ASIC2: variants seen among roughly 807,000 people sequenced by gnomAD.
The protein encoded by ASIC2 is acid sensing ion channel subunit 2.
In ASIC2, 25 loss-of-function variants were observed where a neutral mutation model predicts 57.3. The observed-to-expected ratio is 0.44, with a 90% CI of 0.32 to 0.61. ASIC2 has a LOEUF of 0.61. Ranked by LOEUF, ASIC2 falls within the 20% of genes least tolerant of loss-of-function variation. The pLI is 0.06. For synonymous variants in ASIC2, 319 were observed against 307.5 expected (o/e 1.04, Z -0.39); for missense variants, 641 against 738.1 (o/e 0.87, Z 1.52).
chr17:33,916,812 G>T (rs554153357), intron 1 of ASIC2, among the ~76,000 whole-genome samples: 1 of 152,294 alleles, frequency 6.6e-6, no homozygotes, highest in East Asian at 1.9e-4. Flanking sequence ...CAAACCACAG[G>T]TTTACAACCC....
intron 1 of ASIC2, among the ~76,000 whole-genome samples, chr17:33,494,661 G>A (rs556693372): frequency 6.6e-6 from 1 of 152,288 alleles, no homozygotes; most frequent in East Asian, 1.9e-4. Flanking sequence ...GGAGCAATGG[G>A]GCTGGGGCTT....
intron 1 of ASIC2, among the ~76,000 whole-genome samples, chr17:33,361,848 A>G (rs1477546860): frequency 6.6e-6 from 1 of 152,190 alleles, no homozygotes; most frequent in Non-Finnish European, 1.5e-5. Flanking sequence ...CCTTGTAACT[A>G]CTGCCACTTC....
In ASIC2 at chr17:33,728,151, C is replaced by A. The variant is rs75944276; in HGVS notation, c.555+427827G>T. 8.2e-3 allele frequency among the ~76,000 whole-genome samples: 1,255 copies of A among 152,262 alleles called. 21 individuals carry two copies. The highest frequency in any genetic ancestry group is 0.028 in the African/African-American group (1,150 of 41,534). On this transcript the variant is annotated intron_variant, in intron 1 of 9. Transcript: ENST00000359872. The stretch of plus-strand genomic sequence containing the variant: ...CCTGCTGGCCCACATCTGCGACTTT[C>A]TTCTGAAGACTCCAAGAGGGCTACT...
At chr17:33,611,085 G>C (rs12950265) in intron 1 of ASIC2, among the ~76,000 whole-genome samples, 10,405 of 152,208 alleles carry the variant, frequency 0.068, 1,069 homozygotes, top group African/African-American at 0.22. Context: ...CAACTAATCA[G>C]GGAGGTGAGA....
intron 1 of ASIC2, among the ~76,000 whole-genome samples, chr17:34,147,479 C>T (rs535533590): frequency 1.3e-5 from 2 of 152,326 alleles, no homozygotes; most frequent in East Asian, 3.9e-4. Context: ...TTGGGGAATG[C>T]TGTCCTCAAA....
intron 3 of ASIC2, among the ~76,000 whole-genome samples, chr17:33,044,716 G>A (rs988444781): frequency 6.6e-6 from 1 of 152,134 alleles, no homozygotes; most frequent in African/African-American, 2.4e-5. Flanking sequence ...AGGAATTGAG[G>A]CTATGAAGAT....
intron 1 of ASIC2, among the ~76,000 whole-genome samples, chr17:34,033,140 A>C (rs983505058): frequency 1.3e-5 from 2 of 152,218 alleles, no homozygotes; most frequent in African/African-American, 4.8e-5. Flanking sequence ...CAAATGTAAA[A>C]GAACAGAAAT....
chr17:34,092,623 A>G (rs1910373973), intron 1 of ASIC2, among the ~76,000 whole-genome samples: 1 of 152,234 alleles, frequency 6.6e-6, no homozygotes, highest in African/African-American at 2.4e-5. Flanking sequence ...AAGGGAGGCT[A>G]GAAAGTAGAC....
chr17:33,899,764 T>C (rs1231933404), intron 1 of ASIC2, among the ~76,000 whole-genome samples: 1 of 152,244 alleles, frequency 6.6e-6, no homozygotes, highest in Non-Finnish European at 1.5e-5. Flanking sequence ...GCTAGATAGA[T>C]GTCTTCATGT....
chr17:34,117,616 C>T (rs564466894), intron 1 of ASIC2, among the ~76,000 whole-genome samples: 1 of 152,082 alleles, frequency 6.6e-6, no homozygotes, highest in African/African-American at 2.4e-5. Context: ...GCAATCATCC[C>T]AACAGAAGAT....
chr17:33,426,378 A>G (rs905328114), intron 1 of ASIC2, among the ~76,000 whole-genome samples: 2 of 152,224 alleles, frequency 1.3e-5, no homozygotes, highest in Non-Finnish European at 2.9e-5. Flanking sequence ...AGGTTACTCT[A>G]TAAGAGCCCT....
chr17:33,727,168 A>G (rs1030272222), intron 1 of ASIC2, among the ~76,000 whole-genome samples: 1 of 152,092 alleles, frequency 6.6e-6, no homozygotes, highest in African/African-American at 2.4e-5. Flanking sequence ...ATCTAGTCTA[A>G]CTCTTATTTT....
At chr17:34,037,879 C>A (rs1319476469) in intron 1 of ASIC2, 2 of 1,613,768 alleles carry the variant, frequency 1.2e-6, no homozygotes, top group East Asian at 2.2e-5. Flanking sequence ...GGATGTCTTG[C>A]TGAGACTGGT....
chr17:33,971,448 C>A (rs1432873125), intron 1 of ASIC2, among the ~76,000 whole-genome samples: 1 of 152,150 alleles, frequency 6.6e-6, no homozygotes, highest in Non-Finnish European at 1.5e-5. Flanking sequence ...AATGCATACA[C>A]AAACATACGC....
At chr17:34,086,515 G>A (rs2142083616) in intron 1 of ASIC2, among the ~76,000 whole-genome samples, 1 of 152,132 alleles carries the variant, frequency 6.6e-6, no homozygotes, top group Non-Finnish European at 1.5e-5. Context: ...TGTATATTCT[G>A]TTGATTTGGG....
intron 1 of ASIC2, among the ~76,000 whole-genome samples, chr17:33,747,501 G>T (rs544845289): frequency 1.3e-5 from 2 of 152,204 alleles, no homozygotes; most frequent in East Asian, 3.9e-4. Context: ...GGGATGGCAG[G>T]CGTACTCCAT....
intron 1 of ASIC2, among the ~76,000 whole-genome samples, chr17:33,684,295 G>C (rs896559647): frequency 1.3e-5 from 2 of 152,202 alleles, no homozygotes; most frequent in Non-Finnish European, 2.9e-5. Context: ...CAGGGGCCTA[G>C]CACCCACTCC....
Position 33,813,005 on chromosome 17 carries a change from A to C in ASIC2, c.555+342973T>G, listed in dbSNP as rs567425320. Among the ~76,000 whole-genome samples, 785 of 152,236 alleles carry C rather than the reference A, an allele frequency of 5.2e-3. 1 individual carries two copies. Among genetic ancestry groups the C allele is most frequent in the Non-Finnish European group, 7.9e-3 (537 of 68,016 alleles). On this transcript the variant is annotated intron_variant, in intron 1 of 9. Transcript: ENST00000359872. ...TTTTTTGGCTCAGGGTGAGCTGCTG[A>C]TATCCTCATCTGGTGCCAGGGCCAG...
At chr17:33,874,845 G>A (rs1597911689) in intron 1 of ASIC2, among the ~76,000 whole-genome samples, 1 of 152,176 alleles carries the variant, frequency 6.6e-6, no homozygotes, top group Non-Finnish European at 1.5e-5. Context: ...TGCTTTTTGA[G>A]TATCTTTTTC....
Sources: allele counts gnomAD v4.1 joint callset (sites outside exome capture counted in the v4.1 genomes callset), GRCh38; gene constraint gnomAD v4.1.1; transcripts MANE v1.5; gene names NCBI Gene and HGNC (gene_info 2026-07-23, HGNC 2026-07-21).